The following XNDC1N variants were observed in gnomAD, a reference collection of about 807,000 sequenced individuals.
XNDC1N encodes XRCC1 N-terminal domain containing 1, N-terminal like, also known as protein XNDC1N.
chr11:71,891,208 G>C, the XNDC1N span, among the ~76,000 whole-genome samples: 2 of 151,926 alleles, frequency 1.3e-5, no homozygotes, highest in African/African-American at 4.8e-5. Flanking sequence ...TCACAGGGTG[G>C]TGTACCCCCC....
chr11:71,892,145 A>G, the XNDC1N span, among the ~76,000 whole-genome samples: 1 of 152,142 alleles, frequency 6.6e-6, no homozygotes, highest in Non-Finnish European at 1.5e-5. Flanking sequence ...CCACTGTGAC[A>G]TGAGGAGTAA....
At chr11:71,912,283 T>C in the XNDC1N span, among the ~76,000 whole-genome samples, 1 of 152,076 alleles carries the variant, frequency 6.6e-6, no homozygotes, top group African/African-American at 2.4e-5. Context: ...GTAAAAAGTA[T>C]GTACTAGTTC....
At chr11:71,874,407 C>T in the XNDC1N span, among the ~76,000 whole-genome samples, 1 of 152,146 alleles carries the variant, frequency 6.6e-6, no homozygotes, top group Non-Finnish European at 1.5e-5. Flanking sequence ...ATGAGAGAAT[C>T]AAAGGTATGC....
the XNDC1N span, among the ~76,000 whole-genome samples, chr11:71,908,331 TATA>T: frequency 6.6e-6 from 1 of 151,928 alleles, no homozygotes. Flanking sequence ...TAATCATTAA[TATA>T]ATCATGTATT....
the XNDC1N span, among the ~76,000 whole-genome samples, chr11:71,924,845 T>A: frequency 2.0e-5 from 3 of 152,342 alleles, no homozygotes; most frequent in African/African-American, 7.2e-5. Flanking sequence ...AAGGAGTTTT[T>A]AAAGTTGTCT....
the XNDC1N span, among the ~76,000 whole-genome samples, chr11:71,906,582 G>T: frequency 5.9e-5 from 9 of 152,258 alleles, no homozygotes; most frequent in African/African-American, 2.2e-4. Flanking sequence ...GAAATTAGTA[G>T]TGAACTCCCG....
At chr11:71,916,054 C>T in the XNDC1N span, 1 of 691,214 alleles carries the variant, frequency 1.4e-6, no homozygotes, top group Non-Finnish European at 2.6e-6. Flanking sequence ...ATTAAATCCT[C>T]ACTCCATCAT....
chr11:71,877,508 T>C, the XNDC1N span, among the ~76,000 whole-genome samples: 1 of 152,282 alleles, frequency 6.6e-6, no homozygotes, highest in African/African-American at 2.4e-5. Flanking sequence ...CATGGAGACG[T>C]GTGCCTGTAA....
chr11:71,898,361 C>A, the XNDC1N span, among the ~76,000 whole-genome samples: 7 of 152,038 alleles, frequency 4.6e-5, no homozygotes, highest in African/African-American at 7.2e-5. Flanking sequence ...AACCCCAGCA[C>A]TTTGGGAGGC....
the XNDC1N span, among the ~76,000 whole-genome samples, chr11:71,890,118 A>G: frequency 6.6e-6 from 1 of 152,300 alleles, no homozygotes; most frequent in Non-Finnish European, 1.5e-5. Flanking sequence ...TCCCCTCTGG[A>G]TATTTAAAAC....
chr11:71,885,887 G>A, the XNDC1N span, among the ~76,000 whole-genome samples: 86 of 151,396 alleles, frequency 5.7e-4, 1 homozygote, highest in African/African-American at 1.9e-3. Context: ...ATCATGTATT[G>A]TTACCATTAG....
At chr11:71,927,273 C>G in the XNDC1N span, among the ~76,000 whole-genome samples, 22 of 152,166 alleles carry the variant, frequency 1.4e-4, no homozygotes, top group African/African-American at 5.3e-4. Context: ...GTGGTTCACA[C>G]CTGTAATCCC....
chr11:71,905,230 C>A, the XNDC1N span, among the ~76,000 whole-genome samples: 2 of 151,750 alleles, frequency 1.3e-5, no homozygotes, highest in African/African-American at 4.9e-5. Flanking sequence ...AGGGTGTACA[C>A]CCCATGTGAC....
the XNDC1N span, among the ~76,000 whole-genome samples, chr11:71,877,694 T>C: frequency 0.045 from 6,839 of 152,292 alleles, 523 homozygotes; most frequent in African/African-American, 0.16. Flanking sequence ...AAGCATTCCC[T>C]ACGGCACCCA....
At chr11:71,915,991 G>A in the XNDC1N span, 2 of 660,310 alleles carry the variant, frequency 3.0e-6, no homozygotes, top group African/African-American at 1.8e-5. Flanking sequence ...GTGTGTCTAT[G>A]TCTCAAACAA....
chr11:71,893,306 G>A, the XNDC1N span: 4 of 522,502 alleles, frequency 7.7e-6, no homozygotes, highest in Middle Eastern at 1.1e-3. Flanking sequence ...TAATAATTCT[G>A]AGATTTTTGG....
At chr11:71,894,810 G>C in the XNDC1N span, among the ~76,000 whole-genome samples, 1 of 152,210 alleles carries the variant, frequency 6.6e-6, no homozygotes, top group Non-Finnish European at 1.5e-5. Flanking sequence ...TAGTTATACT[G>C]TTGATGAAAA....
At chr11:71,893,829 T>C in the XNDC1N span, 6 of 1,000,924 alleles carry the variant, frequency 6.0e-6, no homozygotes, top group Admixed American at 4.6e-5. Context: ...TGATGACCTA[T>C]GACTGCTTTG....
chr11:71,885,903 C>T, the XNDC1N span, among the ~76,000 whole-genome samples: 1 of 149,164 alleles, frequency 6.7e-6, no homozygotes, highest in Non-Finnish European at 1.5e-5. Flanking sequence ...ATTAGTATAA[C>T]TATTTAATAT....
Sources: gnomAD v4.1 joint callset for allele counts (sites outside exome capture counted in the v4.1 genomes callset) on GRCh38, gnomAD v4.1.1 for gene constraint, MANE v1.5 for transcripts, NCBI Gene and HGNC (gene_info 2026-07-23, HGNC 2026-07-21) for gene names.